The following TULP3 variants were observed in gnomAD, a reference collection of about 807,000 sequenced individuals.
TULP3 encodes the protein tubby-related protein 3.
Under a neutral mutation model 50.7 loss-of-function variants are expected in TULP3, and 38 were observed. That is an observed-to-expected ratio of 0.75 (90% confidence interval 0.58 to 0.98). TULP3 has a LOEUF of 0.98. TULP3 is among the 50% of genes least tolerant of loss of function. The pLI, the probability that TULP3 is intolerant of heterozygous loss-of-function variation, is 0.00. For missense variants in TULP3, 550 were observed against 568.0 expected, an observed-to-expected ratio of 0.97 and a Z score of 0.32; for synonymous variants, 183 against 196.6, an observed-to-expected ratio of 0.93 and a Z score of 0.58.
At position 2,931,236 on chromosome 12, in the gene TULP3, A is replaced by G; in HGVS notation, c.692A>G (p.Gln231Arg). Reference sequence around the variant, plus strand: ...ATGTACTTGGAAAAAGAAGAAAATCAGAAGGTATGAGAATTGATTTCTAAG... The same window carrying G: ...ATGTACTTGGAAAAAGAAGAAAATCGGAAGGTATGAGAATTGATTTCTAAG... The part of the protein sequence containing the change: ...YYMYLEKEEN[Q>R]KIFLLAARKR... The change falls in exon 6 of 11, where the codon CAG becomes CGG. Residue 231 changes from glutamine to arginine, a missense_variant. Gln to Arg is a conservative substitution (Grantham distance 43, BLOSUM62 1). Coordinates refer to ENST00000448120, the MANE Select transcript of TULP3 (RefSeq NM_003324.5). The G allele has an allele frequency of 6.2e-7, 1 of 1,613,682 alleles. No individual in the cohort carries two copies. The highest frequency in any genetic ancestry group is 8.5e-7 in the Non-Finnish European group (1 of 1,179,848).
At position 2,939,303 on chromosome 12, in the gene TULP3, G is replaced by A; in HGVS notation, c.1196-8G>A. 6.2e-7 allele frequency: 1 copy of A among 1,612,910 alleles called. No individual in the cohort carries two copies. Among genetic ancestry groups the A allele is most frequent in the Non-Finnish European group, 8.5e-7 (1 of 1,179,716 alleles). Reference sequence around the variant, plus strand: ...TATTCTAACATGTTGATTTCTTTCTGTTTCTAGCTGATTATATAGTCATGC... The same window carrying A: ...TATTCTAACATGTTGATTTCTTTCTATTTCTAGCTGATTATATAGTCATGC... On this transcript the variant is annotated splice_region_variant and splice_polypyrimidine_tract_variant and intron_variant, in intron 10 of 10. Transcript: ENST00000448120. This position sits in a 1 kb window ranked among gnomAD's most constrained non-coding sequence, Gnocchi z 4.0.
At chr12:2,894,013 T>C (rs1252936165) in intron 1 of TULP3, among the ~76,000 whole-genome samples, 1 of 152,038 alleles carries the variant, frequency 6.6e-6, no homozygotes, top group Non-Finnish European at 1.5e-5. Flanking sequence ...AGGACCTTTG[T>C]TGAGGCTAGG....
intron 2 of TULP3, among the ~76,000 whole-genome samples, chr12:2,911,529 TA>T (rs1215531277): frequency 2.0e-5 from 3 of 151,462 alleles, no homozygotes; most frequent in African/African-American, 4.8e-5. Flanking sequence ...ATTTATTTTT[TA>T]TTTTTTTTTA....
At chr12:2,894,563 A>ACACACACG (rs1233658787) in intron 1 of TULP3, among the ~76,000 whole-genome samples, 1 of 138,696 alleles carries the variant, frequency 7.2e-6, no homozygotes, top group African/African-American at 2.7e-5. Flanking sequence ...ACACACACAC[A>ACACACACG]CACGCACGCA....
rs772087384 is a variant in TULP3 at position 2,931,138 on chromosome 12, A to G, written c.594A>G (p.Gln198=). ...ACTTTGTGTATAGTCCTGCCCCTCA[A>G]GGTGTCACAGTAAGATGTCGGATAA... ...LEDFVYSPAP[Q]GVTVRCRIIR... The change falls in exon 6 of 11, where the codon CAA becomes CAG. Residue 198 remains glutamine (Q), a synonymous_variant. Coordinates refer to ENST00000448120, the MANE Select transcript of TULP3 (RefSeq NM_003324.5). The G allele has an allele frequency of 8.1e-6, 13 of 1,614,052 alleles. No homozygotes were observed. The East Asian group carries it at 8.9e-5, about 11-fold the overall frequency.
chr12:2,907,774 T>A (rs1037768929), intron 1 of TULP3, among the ~76,000 whole-genome samples: 1 of 152,106 alleles, frequency 6.6e-6, no homozygotes, highest in Non-Finnish European at 1.5e-5. Context: ...AATTTGGGAT[T>A]TAAAAATACA....
chr12:2,941,032 A>G lies in TULP3; in HGVS notation c.*1588A>G. 1 of 315,396 alleles carries G rather than the reference A, an allele frequency of 3.2e-6. No individual in the cohort carries two copies. Among genetic ancestry groups the G allele is most frequent in the Non-Finnish European group, 5.8e-6 (1 of 173,186 alleles). The allele number at this position is 315,396 out of a possible 1,614,324, so 19.5% of individuals were successfully genotyped here. A position where few individuals can be genotyped will look rare whatever the true frequency, so the allele number is the denominator to read the frequency against. Reference sequence around the variant, plus strand: ...CTTCCTCCCTCTGGTTTAAAGAGATATATAAACTAATTTCACATAATTTGT... The same window carrying G: ...CTTCCTCCCTCTGGTTTAAAGAGATGTATAAACTAATTTCACATAATTTGT... On this transcript the variant is annotated 3_prime_UTR_variant, in exon 11 of 11. Transcript: ENST00000448120.
intron 2 of TULP3, among the ~76,000 whole-genome samples, chr12:2,916,766 A>G (rs2098188916): frequency 6.6e-6 from 1 of 152,270 alleles, no homozygotes. Flanking sequence ...GTTTTCACCA[A>G]GATGGCAGCT....
rs2098182905 is a variant in TULP3 at position 2,907,370 on chromosome 12, A to G, written c.42-2159A>G. ...TGCACCTATAGTCCCAGGTACTTGG[A>G]AAATTGAGGCAGGAGAATCGCTTGA... On this transcript the variant is annotated intron_variant, in intron 1 of 10. Transcript: ENST00000448120. Among the ~76,000 whole-genome samples the G allele has an allele frequency of 4.6e-5, 7 of 151,400 alleles. No individual in the cohort carries two copies. The South Asian group carries it at 1.5e-3, about 32-fold the overall frequency.
chr12:2,893,062 C>T (rs983712987), intron 1 of TULP3, among the ~76,000 whole-genome samples: 1 of 151,536 alleles, frequency 6.6e-6, no homozygotes, highest in Non-Finnish European at 1.5e-5. Flanking sequence ...GGTGGGGTTT[C>T]GTCATGTTGC....
intron 2 of TULP3, among the ~76,000 whole-genome samples, chr12:2,910,225 G>A (rs1046362423): frequency 2.0e-5 from 3 of 152,056 alleles, no homozygotes; most frequent in Admixed American, 6.6e-5. Flanking sequence ...CCCAGGAGGC[G>A]GAGCTTGCAG....
chr12:2,891,376 G>A (rs980763615), intron 1 of TULP3, among the ~76,000 whole-genome samples: 3 of 152,194 alleles, frequency 2.0e-5, no homozygotes, highest in Non-Finnish European at 2.9e-5. Flanking sequence ...CCCCTCCCGG[G>A]AGGCGGTGCG....
rs372447656 is a variant in TULP3 at position 2,939,857 on chromosome 12, G to A, written c.*413G>A. 1.8e-4 allele frequency: 218 copies of A among 1,201,538 alleles called. 1 individual carries two copies. The African/African-American group carries it at 2.0e-3, about 11-fold the overall frequency. 74.4% of individuals were successfully genotyped at this position (1,201,538 alleles called of 1,614,324 possible). A position where few individuals can be genotyped will look rare whatever the true frequency, so the allele number is the denominator to read the frequency against. On this transcript the variant is annotated 3_prime_UTR_variant, in exon 11 of 11. Coordinates refer to ENST00000448120, the MANE Select transcript of TULP3 (RefSeq NM_003324.5). The surrounding 1 kb of genome is among the most constrained non-coding windows in gnomAD (Gnocchi z 4.0). ...TCCTTTTCCAGGTTTCATAGACTTG[G>A]TGAGGGATCACAGCTTAGCATGGGT...
chr12:2,908,064 G>C (rs1177380543), intron 1 of TULP3, among the ~76,000 whole-genome samples: 4 of 152,118 alleles, frequency 2.6e-5, no homozygotes, highest in Admixed American at 2.6e-4. Context: ...GTGATGAAGA[G>C]GAAGAATCTT....
chr12:2,922,319 G>A lies in TULP3; in HGVS notation c.311G>A (p.Ser104Asn). 3 of 1,614,130 alleles carry A rather than the reference G, an allele frequency of 1.9e-6. No individual in the cohort carries two copies. Among genetic ancestry groups the A allele is most frequent in the Non-Finnish European group, 2.5e-6 (3 of 1,180,022 alleles). Residue 104 changes from serine (S) to asparagine (N), a missense_variant, in exon 4 of 11, where the codon AGC (serine) becomes AAC (asparagine). Ser to Asn is a conservative substitution (Grantham distance 46). Transcript: ENST00000448120. ...GACGAAGTTCATGCTCCATCAGTAA[G>A]CTCCTCTGTTGTGGAAGAAGATGCT... ...KPDEVHAPSV[S>N]SSVVEEDAEN... is the part of the protein sequence containing the mutation.
At chr12:2,923,150 C>T (rs984367808) in intron 4 of TULP3, among the ~76,000 whole-genome samples, 4 of 151,988 alleles carry the variant, frequency 2.6e-5, no homozygotes, top group African/African-American at 4.8e-5. Flanking sequence ...TGAGCCACCA[C>T]GCCCAGCCGA....
chr12:2,893,973 A>G (rs557752378), intron 1 of TULP3, among the ~76,000 whole-genome samples: 11 of 151,950 alleles, frequency 7.2e-5, no homozygotes, highest in Non-Finnish European at 1.5e-4. Context: ...TGTTTAGTGA[A>G]AATTGGAGGT....
chr12:2,915,615 G>A (rs2153949233), intron 2 of TULP3, among the ~76,000 whole-genome samples: 1 of 151,646 alleles, frequency 6.6e-6, no homozygotes, highest in South Asian at 2.1e-4. Flanking sequence ...CTCAGCTCAG[G>A]CTCACTGCAA....
intron 1 of TULP3, among the ~76,000 whole-genome samples, chr12:2,903,455 G>A (rs1401123148): frequency 1.3e-5 from 2 of 151,430 alleles, no homozygotes; most frequent in African/African-American, 4.8e-5. Context: ...CCAGCTACTT[G>A]GGAGGCTGAG....
Sources: gnomAD v4.1 joint callset for allele counts (sites outside exome capture counted in the v4.1 genomes callset) on GRCh38, gnomAD v4.1.1 for gene constraint, Gnocchi (gnomAD v3.1) non-coding constraint, MANE v1.5 for transcripts, NCBI Gene and HGNC (gene_info 2026-07-23, HGNC 2026-07-21) for gene names.